The following DIAPH3 variants were observed in gnomAD, a reference collection of about 807,000 sequenced individuals.
DIAPH3 encodes the protein diaphanous related formin 3, also known as protein diaphanous homolog 3.
In DIAPH3, 117 loss-of-function variants were observed where a neutral mutation model predicts 144.3. The ratio of observed to expected loss-of-function variants is 0.81; its 90% CI spans 0.70 to 0.95. The LOEUF is 0.95. Among genes scored for constraint, DIAPH3 ranks in the 40% least tolerant of loss-of-function variants. The probability of loss-of-function intolerance (pLI) is 0.00; values close to 1 mark genes in which losing one functional copy is unlikely to be tolerated. For synonymous variants in DIAPH3, 519 were observed against 488.9 expected, an observed-to-expected ratio of 1.06 and a Z score of -0.81; for missense variants, 1,421 against 1,412.7, an observed-to-expected ratio of 1.01 and a Z score of -0.09.
At chr13:60,063,158 T>C (rs1309817759) in intron 4 of DIAPH3, among the ~76,000 whole-genome samples, 3 of 152,242 alleles carry the variant, frequency 2.0e-5, no homozygotes, top group Admixed American at 6.5e-5. Context: ...TCATTTATTG[T>C]CATTTGAACA....
chr13:59,709,100 G>T (rs1261625268), intron 27 of DIAPH3, among the ~76,000 whole-genome samples: 3 of 152,060 alleles, frequency 2.0e-5, no homozygotes, highest in South Asian at 4.1e-4. Flanking sequence ...TCATACCTGA[G>T]AAAAAGTTTT....
At chr13:59,697,220 G>A (rs1247385246) in intron 27 of DIAPH3, among the ~76,000 whole-genome samples, 1 of 151,768 alleles carries the variant, frequency 6.6e-6, no homozygotes, top group Non-Finnish European at 1.5e-5. Context: ...AGCACTTTGG[G>A]AGGCCGAGGC....
intron 24 of DIAPH3, among the ~76,000 whole-genome samples, chr13:59,824,278 T>C (rs986000846): frequency 6.6e-6 from 1 of 152,174 alleles, no homozygotes; most frequent in Non-Finnish European, 1.5e-5. Flanking sequence ...ATGTATGTTA[T>C]GTAATTTGAT....
chr13:59,954,410 T>C (rs1011317942), intron 17 of DIAPH3, among the ~76,000 whole-genome samples: 3 of 152,108 alleles, frequency 2.0e-5, no homozygotes, highest in Non-Finnish European at 4.4e-5. Context: ...CCCAATATAA[T>C]CAAAAATAAT....
At chr13:60,045,152 A>G (rs2055979926) in intron 4 of DIAPH3, among the ~76,000 whole-genome samples, 2 of 152,060 alleles carry the variant, frequency 1.3e-5, no homozygotes, top group Non-Finnish European at 2.9e-5. Flanking sequence ...GACCAGCGTG[A>G]CCAACATGGA....
intron 27 of DIAPH3, among the ~76,000 whole-genome samples, chr13:59,738,956 T>C (rs1395981757): frequency 6.6e-6 from 1 of 152,230 alleles, no homozygotes; most frequent in Admixed American, 6.5e-5. Context: ...GAAGCTTTGC[T>C]TCCTTTTTTT....
At chr13:59,673,445 A>G (rs2032481935) in intron 27 of DIAPH3, among the ~76,000 whole-genome samples, 1 of 152,184 alleles carries the variant, frequency 6.6e-6, no homozygotes, top group Non-Finnish European at 1.5e-5. Context: ...TCTTTGTCCC[A>G]GTCCCTGGGA....
At chr13:60,133,526 C>T (rs1703360816) in intron 1 of DIAPH3, among the ~76,000 whole-genome samples, 1 of 152,046 alleles carries the variant, frequency 6.6e-6, no homozygotes, top group African/African-American at 2.4e-5. Flanking sequence ...GAAGAATGTA[C>T]TAAAATGACT....
intron 1 of DIAPH3, among the ~76,000 whole-genome samples, chr13:60,133,235 A>G (rs2059188144): frequency 6.6e-6 from 1 of 152,082 alleles, no homozygotes; most frequent in African/African-American, 2.4e-5. Context: ...CACAAACTAA[A>G]AAATTAACTA....
At chr13:59,974,737 T>C (rs765842114) in intron 14 of DIAPH3, among the ~76,000 whole-genome samples, 11 of 152,092 alleles carry the variant, frequency 7.2e-5, no homozygotes, top group Non-Finnish European at 1.3e-4. Context: ...ATCTGCAGCA[T>C]TGGCATTTTT....
At chr13:59,731,137 T>A (rs1004594390) in intron 27 of DIAPH3, among the ~76,000 whole-genome samples, 1 of 152,192 alleles carries the variant, frequency 6.6e-6, no homozygotes, top group African/African-American at 2.4e-5. Context: ...CTGCTGCTTA[T>A]CATATCTTCT....
intron 17 of DIAPH3, among the ~76,000 whole-genome samples, chr13:59,961,967 C>T (rs908985281): frequency 2.0e-5 from 3 of 152,076 alleles, no homozygotes; most frequent in Non-Finnish European, 4.4e-5. Flanking sequence ...TTAATAAATG[C>T]ATCAGAGTAG....
chr13:59,760,402 T>A (rs1336918122), intron 27 of DIAPH3, among the ~76,000 whole-genome samples: 2 of 152,198 alleles, frequency 1.3e-5, no homozygotes, highest in Non-Finnish European at 2.9e-5. Context: ...AAGATGTGAG[T>A]AATAAAAGAA....
At chr13:59,694,341 T>A (rs1323807584) in intron 27 of DIAPH3, among the ~76,000 whole-genome samples, 2 of 152,138 alleles carry the variant, frequency 1.3e-5, no homozygotes, top group African/African-American at 4.8e-5. Context: ...ATACACTGAT[T>A]TTGGTCTAGT....
intron 5 of DIAPH3, among the ~76,000 whole-genome samples, chr13:60,030,896 T>C (rs2054740364): frequency 6.6e-6 from 1 of 152,208 alleles, no homozygotes. Context: ...TGTAGAAAGT[T>C]CTATCAGGCT....
intron 21 of DIAPH3, among the ~76,000 whole-genome samples, chr13:59,874,277 A>T (rs1427601752): frequency 1.3e-5 from 2 of 152,176 alleles, no homozygotes; most frequent in African/African-American, 4.8e-5. Context: ...CCAGGTTGCT[A>T]ATCAATGTCA....
rs574723092 is a variant in DIAPH3, at chr13:60,125,479, A to C, written c.213+7478T>G. On this transcript the variant is annotated intron_variant, in intron 2 of 27. Transcript: ENST00000400324. Reference sequence around the variant, plus strand: ...TAATCTCGAAGTTCTGGGCTCATGCAGTCCTCCCACTTCAGCCTCCCAAAC... The same window carrying C: ...TAATCTCGAAGTTCTGGGCTCATGCCGTCCTCCCACTTCAGCCTCCCAAAC... Among the ~76,000 whole-genome samples, 12 of 141,956 alleles carry C rather than the reference A, an allele frequency of 8.5e-5. No individual in the cohort carries two copies. The East Asian group carries it at 2.0e-3, about 24-fold the overall frequency. 93.1% of individuals were successfully genotyped at this position (141,956 alleles called of 152,430 possible). A position where few individuals can be genotyped will look rare whatever the true frequency, so the allele number is the denominator to read the frequency against.
intron 27 of DIAPH3, among the ~76,000 whole-genome samples, chr13:59,749,618 G>C (rs9570203): frequency 0.88 from 132,668 of 151,082 alleles, 58,427 homozygotes; most frequent in Admixed American, 0.89. Flanking sequence ...GAATATCTCA[G>C]ATATATAATT....
At chr13:59,704,021 T>C (rs2034270664) in intron 27 of DIAPH3, among the ~76,000 whole-genome samples, 1 of 152,178 alleles carries the variant, frequency 6.6e-6, no homozygotes, top group African/African-American at 2.4e-5. Context: ...TTTGCTCTAT[T>C]TCCTAGGGCA....
Sources: allele counts gnomAD v4.1 joint callset (sites outside exome capture counted in the v4.1 genomes callset), GRCh38; gene constraint gnomAD v4.1.1; transcripts MANE v1.5; gene names NCBI Gene and HGNC (gene_info 2026-07-23, HGNC 2026-07-21).